The following BTN3A2 variants were observed in gnomAD, a reference collection of about 807,000 sequenced individuals.
The protein encoded by BTN3A2 is butyrophilin subfamily 3 member A2, also known as butyrophilin protein.
Under a neutral mutation model 37.6 loss-of-function variants are expected in BTN3A2, and 25 were observed. The observed-to-expected ratio is 0.66, with a 90% CI of 0.48 to 0.93. The LOEUF (loss-of-function observed/expected upper bound fraction) is 0.93. Ranked by LOEUF, BTN3A2 falls within the 40% of genes least tolerant of loss-of-function variation. BTN3A2 has a pLI of 0.00. For missense variants in BTN3A2, 266 were observed against 410.9 expected (o/e 0.65, Z 3.05); for synonymous variants, 122 against 159.4 (o/e 0.77, Z 1.77).
At chr6:26,371,463 G>A (rs1760106359) in intron 5 of BTN3A2, among the ~76,000 whole-genome samples, 1 of 152,164 alleles carries the variant, frequency 6.6e-6, no homozygotes, top group South Asian at 2.1e-4. Context: ...GATTCTCATA[G>A]GAATGTAGGA....
At chr6:26,369,888 G>C (rs1030232568) in intron 4 of BTN3A2, among the ~76,000 whole-genome samples, 3 of 152,150 alleles carry the variant, frequency 2.0e-5, no homozygotes, top group Admixed American at 6.5e-5. Flanking sequence ...CCCTGTGGCT[G>C]CTGGTTAGGT....
intron 10 of BTN3A2, chr6:26,375,487 T>TGC: frequency 1.4e-6 from 1 of 710,450 alleles, no homozygotes; most frequent in Non-Finnish European, 2.3e-6. Context: ...GTGTATCTCC[T>TGC]TTCTTTCTCC....
intron 10 of BTN3A2, chr6:26,375,584 A>T (rs1760640643): frequency 6.7e-7 from 1 of 1,487,726 alleles, no homozygotes; most frequent in East Asian, 2.5e-5. Context: ...TCCATAGAGG[A>T]CAGATTCCTG....
rs1328600336 is a variant in BTN3A2 at position 26,372,903 on chromosome 6, T to G, written c.722T>G (p.Phe241Cys). 6 of 1,613,332 alleles carry G rather than the reference T, an allele frequency of 3.7e-6. No individual in the cohort carries two copies. The Admixed American group carries it at 6.7e-5, about 18-fold the overall frequency. ...ACAGCTCTCCCCTTCGCAGACCCCT[T>G]CTTCAGGAGCGCCCAGCCCTGGATC... Reference protein sequence around the residue: ...KTASISIADPFFRSAQPWIAA... With the variant: ...KTASISIADPCFRSAQPWIAA... Residue 241 changes from phenylalanine (F) to cysteine (C), a missense_variant, in exon 6 of 11, where the codon TTC (phenylalanine) becomes TGC (cysteine). Transcript: ENST00000377708.
At chr6:26,369,436 G>T (rs1759878228) in intron 4 of BTN3A2, among the ~76,000 whole-genome samples, 1 of 152,200 alleles carries the variant, frequency 6.6e-6, no homozygotes, top group Non-Finnish European at 1.5e-5. Flanking sequence ...CAGTAAGAAG[G>T]TGTTAGAGCA....
Position 26,377,468 on chromosome 6 carries a change from A to G in BTN3A2, c.*1706A>G. On this transcript the variant is annotated 3_prime_UTR_variant, in exon 11 of 11. Transcript: ENST00000377708. ...AGCTGGGATCTGAACAACAATGACT[A>G]ACATTAATGGAGAATTTAAAACGTT... 2.5e-6 allele frequency: 1 copy of G among 407,584 alleles called. No homozygotes were observed. The highest frequency in any genetic ancestry group is 2.3e-5 in the South Asian group (1 of 43,752). 25.2% of individuals were successfully genotyped at this position (407,584 alleles called of 1,614,324 possible).
chr6:26,374,990 G>A (rs768006723), intron 10 of BTN3A2, 192 bp downstream of exon 10: 4 of 497,072 alleles, frequency 8.0e-6, no homozygotes, highest in Non-Finnish European at 1.4e-5. Flanking sequence ...GGGAGAGTGA[G>A]GATGGAAATG....
Position 26,368,624 on chromosome 6 carries a change from G to A in BTN3A2, c.145G>A (p.Asp49Asn), listed in dbSNP as rs372205582. ...PILAMVGEDA[D>N]LPCHLFPTMS... Reference sequence around the variant, plus strand: ...CCTGGCCATGGTGGGTGAAGACGCTGATCTGCCCTGTCACCTGTTCCCGAC... The same window carrying A: ...CCTGGCCATGGTGGGTGAAGACGCTAATCTGCCCTGTCACCTGTTCCCGAC... Residue 49 changes from aspartate to asparagine, a missense_variant, in exon 4 of 11, where the codon GAT becomes AAT. By Grantham distance (23) the Asp-to-Asn change is conservative (BLOSUM62 1). Coordinates refer to ENST00000377708, the MANE Select transcript of BTN3A2 (RefSeq NM_007047.5). 8.1e-6 allele frequency: 13 copies of A among 1,613,936 alleles called. No individual in the cohort carries two copies. In the African/African-American group the frequency reaches 1.7e-4, roughly 22 times the overall value.
intron 5 of BTN3A2, 193 bp from the exon 6 acceptor site, chr6:26,372,704 T>C (rs1760233784): frequency 1.7e-6 from 1 of 603,554 alleles, no homozygotes; most frequent in Non-Finnish European, 2.9e-6. Flanking sequence ...TAAGTAATAG[T>C]AGTAGCTTGT....
At chr6:26,374,471 C>A in intron 9 of BTN3A2, 98 bp downstream of exon 9, 1 of 1,338,504 alleles carries the variant, frequency 7.5e-7, no homozygotes, top group Non-Finnish European at 1.1e-6. Context: ...AATCTAAAGA[C>A]TCAATTTCTG....
intron 5 of BTN3A2, among the ~76,000 whole-genome samples, chr6:26,371,511 T>G (rs1760109687): frequency 6.6e-6 from 1 of 152,234 alleles, no homozygotes; most frequent in South Asian, 2.1e-4. Flanking sequence ...TGTAACTTCC[T>G]GTATTTTTGA....
In BTN3A2 at chr6:26,375,869, A is replaced by T; in HGVS notation, c.*107A>T. 1 of 1,546,656 alleles carries T rather than the reference A, an allele frequency of 6.5e-7. No homozygotes were observed. Among genetic ancestry groups the T allele is most frequent in the Non-Finnish European group, 8.8e-7 (1 of 1,142,622 alleles). ...TGTATGGAAAAATAGACTGCAGAAA[A>T]GGGGAACTCATTTAGCTCACGAGTG... On this transcript the variant is annotated 3_prime_UTR_variant, in exon 11 of 11. Transcript: ENST00000377708.
intron 4 of BTN3A2, among the ~76,000 whole-genome samples, chr6:26,369,174 T>C (rs1759842816): frequency 6.6e-6 from 1 of 152,182 alleles, no homozygotes; most frequent in African/African-American, 2.4e-5. Context: ...GGACGAGGGA[T>C]AGGAAGCATA....
rs181987318 is a variant in BTN3A2, at chr6:26,370,235, T to A, written c.434-87T>A. ...CCTGAATGAAATATCTCTTGAATTA[T>A]CAAATCTGAGCCTGACATTGATTCC... On this transcript the variant is annotated intron_variant, in intron 4 of 10. Transcript: ENST00000377708. 1.3e-4 allele frequency: 196 copies of A among 1,476,588 alleles called. 2 individuals carry two copies. The East Asian group carries it at 4.3e-3, about 32-fold the overall frequency. 91.5% of individuals were successfully genotyped at this position (1,476,588 alleles called of 1,614,324 possible).
chr6:26,367,706 A>G (rs1435703381), intron 1 of BTN3A2, among the ~76,000 whole-genome samples: 1 of 152,200 alleles, frequency 6.6e-6, no homozygotes, highest in Non-Finnish European at 1.5e-5. Context: ...TCTGCCAGGC[A>G]GTCTGCCTGG....
Position 26,365,474 on chromosome 6 carries a change from CTGTGTGTGTG to C in BTN3A2, c.-67+156_-67+165del, listed in dbSNP as rs55949951. The C allele has an allele frequency of 8.7e-3, 4,774 of 550,552 alleles. 36 individuals are homozygous for C. The highest frequency in any genetic ancestry group is 0.037 in the African/African-American group (1,770 of 48,270). The allele number at this position is 550,552 out of a possible 1,614,324, so 34.1% of individuals were successfully genotyped here. On this transcript the variant is annotated intron_variant, in intron 1 of 10. Transcript: ENST00000377708. ...TCTCCCAGAGAAAGGGGTGCAGTGC[CTGTGTGTGTG>C]TGTGTGTGTGTGTGTGTGTGTGTGT...
rs903523301 is a variant in BTN3A2, at chr6:26,378,137, G to A, written c.*2375G>A. ...ACTATGGACTCAGTCTCCTGGAAAAGGATCTGTCCACTCCTGGTCATTGGT... is the reference window on the plus strand; with the variant it reads ...ACTATGGACTCAGTCTCCTGGAAAAAGATCTGTCCACTCCTGGTCATTGGT... On this transcript the variant is annotated 3_prime_UTR_variant, in exon 11 of 11. Transcript: ENST00000377708. The A allele has an allele frequency of 6.6e-6, 1 of 151,904 alleles. No individual in the cohort carries two copies. The highest frequency in any genetic ancestry group is 2.4e-5 in the African/African-American group (1 of 41,416). 9.4% of individuals were successfully genotyped at this position (151,904 alleles called of 1,614,324 possible).
At position 26,377,201 on chromosome 6, in the gene BTN3A2, A is replaced by C. The variant is rs1760764744; in HGVS notation, c.*1439A>C. 8.7e-7 allele frequency: 1 copy of C among 1,143,528 alleles called. No homozygotes were observed. Among genetic ancestry groups the C allele is most frequent in the Admixed American group, 1.7e-5 (1 of 58,666 alleles). 70.8% of individuals were successfully genotyped at this position (1,143,528 alleles called of 1,614,324 possible). A position where few individuals can be genotyped will look rare whatever the true frequency, so the allele number is the denominator to read the frequency against. On this transcript the variant is annotated 3_prime_UTR_variant, in exon 11 of 11. Transcript: ENST00000377708. Reference sequence around the variant, plus strand: ...ATGAAAGTGGGGAGCCTCAGGCTGAAGTAACATCTCTGCTTCTCCCTGCCC... The same window carrying C: ...ATGAAAGTGGGGAGCCTCAGGCTGACGTAACATCTCTGCTTCTCCCTGCCC...
intron 5 of BTN3A2, among the ~76,000 whole-genome samples, chr6:26,372,397 C>G (rs906618260): frequency 3.9e-5 from 6 of 152,148 alleles, no homozygotes; most frequent in Admixed American, 2.6e-4. Flanking sequence ...GATTAGGCCA[C>G]TACAAACAGA....
Sources: allele counts gnomAD v4.1 joint callset (sites outside exome capture counted in the v4.1 genomes callset), GRCh38; gene constraint gnomAD v4.1.1; transcripts MANE v1.5; gene names NCBI Gene and HGNC (gene_info 2026-07-23, HGNC 2026-07-21).